Variants in COL24A1 observed in about 807,000 individuals in gnomAD.
The protein encoded by COL24A1 is collagen type XXIV alpha 1 chain.
Under a neutral mutation model 253.9 loss-of-function variants are expected in COL24A1, and 224 were observed. The observed-to-expected ratio is 0.88, with a 90% CI of 0.79 to 0.99. The LOEUF (loss-of-function observed/expected upper bound fraction) is 0.99, where lower values mean the gene tolerates loss of function less well. Among genes scored for constraint, COL24A1 ranks in the 50% least tolerant of loss-of-function variants. COL24A1 has a pLI of 0.00. For synonymous variants in COL24A1, 685 were observed against 673.7 expected, an observed-to-expected ratio of 1.02 and a Z score of -0.26; for missense variants, 2,131 against 2,068.5, an observed-to-expected ratio of 1.03 and a Z score of -0.59.
intron 24 of COL24A1, among the ~76,000 whole-genome samples, chr1:85,936,562 G>A (rs779430618): frequency 4.1e-5 from 6 of 146,662 alleles, no homozygotes; most frequent in African/African-American, 1.0e-4. Context: ...AATTAGATAC[G>A]GAAAAGTTTA....
chr1:86,095,125 T>C (rs1293819054), intron 5 of COL24A1, among the ~76,000 whole-genome samples: 1 of 152,036 alleles, frequency 6.6e-6, no homozygotes, highest in Non-Finnish European at 1.5e-5. Flanking sequence ...GGCCAATGTT[T>C]TTATTATAAA....
At chr1:86,144,802 T>A (rs1005624194) in intron 2 of COL24A1, among the ~76,000 whole-genome samples, 2 of 152,074 alleles carry the variant, frequency 1.3e-5, no homozygotes, top group Non-Finnish European at 2.9e-5. Context: ...ATGGCCATAA[T>A]TACAAAACCC....
intron 55 of COL24A1, among the ~76,000 whole-genome samples, chr1:85,755,473 CA>C (rs1666135116): frequency 2.0e-5 from 3 of 152,160 alleles, no homozygotes; most frequent in Admixed American, 2.0e-4. Context: ...TTCCTGATTT[CA>C]AAACTTACTA....
chr1:85,970,704 T>C (rs1359461745), intron 21 of COL24A1, among the ~76,000 whole-genome samples: 1 of 152,190 alleles, frequency 6.6e-6, no homozygotes, highest in Admixed American at 6.5e-5. Context: ...TTGGTAAATA[T>C]TTTGCTCAAT....
chr1:85,854,077 T>A (rs1233846683), intron 37 of COL24A1, among the ~76,000 whole-genome samples: 1 of 152,206 alleles, frequency 6.6e-6, no homozygotes, highest in Non-Finnish European at 1.5e-5. Flanking sequence ...AGTTCTCTTC[T>A]AAGGTTTTTA....
chr1:85,876,078 C>T (rs1681131217), intron 33 of COL24A1, among the ~76,000 whole-genome samples: 1 of 151,954 alleles, frequency 6.6e-6, no homozygotes, highest in Admixed American at 6.6e-5. Context: ...GCATTTTATC[C>T]TAAAGGCCAT....
chr1:85,891,577 A>C (rs1683138428), intron 31 of COL24A1, among the ~76,000 whole-genome samples: 1 of 152,174 alleles, frequency 6.6e-6, no homozygotes, highest in African/African-American at 2.4e-5. Context: ...GAAATATGTA[A>C]AATTATGGAC....
chr1:86,152,791 G>A (rs182397679), intron 1 of COL24A1, among the ~76,000 whole-genome samples: 4 of 152,302 alleles, frequency 2.6e-5, no homozygotes, highest in African/African-American at 9.6e-5. Context: ...ACATACTAGT[G>A]TTAGATAAAG....
At chr1:85,827,972 T>C (rs1674616822) in intron 43 of COL24A1, among the ~76,000 whole-genome samples, 1 of 152,060 alleles carries the variant, frequency 6.6e-6, no homozygotes. Flanking sequence ...AGCTTTTGAA[T>C]GTGTTTGCTC....
chr1:86,109,655 T>G (rs1233033779), intron 5 of COL24A1, among the ~76,000 whole-genome samples: 2 of 152,210 alleles, frequency 1.3e-5, no homozygotes, highest in Non-Finnish European at 2.9e-5. Context: ...CGATCACTGA[T>G]AAGCAGAGGG....
At chr1:85,828,085 T>C (rs1295238600) in intron 43 of COL24A1, among the ~76,000 whole-genome samples, 1 of 152,120 alleles carries the variant, frequency 6.6e-6, no homozygotes, top group African/African-American at 2.4e-5. Context: ...CTCTACACAC[T>C]GCTTTGAATG....
rs775539150 is a variant in COL24A1, at chr1:85,816,776, C to T, written c.3951+12G>A. The T allele has an allele frequency of 1.5e-5, 24 of 1,594,808 alleles. 1 individual carries two copies. The highest frequency in any genetic ancestry group is 8.8e-5 in the South Asian group (8 of 90,690). On this transcript the variant is annotated intron_variant, in intron 47 of 59. Transcript: ENST00000370571. The stretch of plus-strand genomic sequence containing the variant: ...AGGAAATAATGAGCAAAGAGATATC[C>T]GTACTACTCACAGGAAGTCCCTGTT...
At chr1:86,094,033 T>A (rs1703711245) in intron 5 of COL24A1, among the ~76,000 whole-genome samples, 1 of 152,144 alleles carries the variant, frequency 6.6e-6, no homozygotes, top group Non-Finnish European at 1.5e-5. Flanking sequence ...GCTTATACAC[T>A]GTTGGTGGGA....
At chr1:85,767,551 G>T (rs1667511526) in intron 53 of COL24A1, among the ~76,000 whole-genome samples, 1 of 151,890 alleles carries the variant, frequency 6.6e-6, no homozygotes, top group African/African-American at 2.4e-5. Context: ...GGAATCAAAG[G>T]AAAAGAAGTG....
Position 85,813,833 on chromosome 1 carries a change from G to C in COL24A1, c.3951+2955C>G, listed in dbSNP as rs113577334. ...CCCAAAGTGCTGGGATTACAGGCGT[G>C]AGCCACCGCGCCCGGCCTCATTCAG... On this transcript the variant is annotated intron_variant, in intron 47 of 59. Transcript: ENST00000370571. Among the ~76,000 whole-genome samples the C allele has an allele frequency of 6.5e-3, 991 of 152,130 alleles. 9 individuals are homozygous for C. The highest frequency in any genetic ancestry group is 0.023 in the African/African-American group (951 of 41,510).
intron 4 of COL24A1, 117 bp from the exon 5 acceptor site, chr1:86,112,737 G>T: frequency 1.1e-6 from 1 of 901,826 alleles, no homozygotes. Flanking sequence ...TTTTGCTTAT[G>T]TTATTATGTA....
At chr1:85,778,685 A>C (rs1387737076) in intron 52 of COL24A1, among the ~76,000 whole-genome samples, 1 of 149,514 alleles carries the variant, frequency 6.7e-6, no homozygotes, top group Non-Finnish European at 1.5e-5. Context: ...GCTCACTGCA[A>C]CCTCTGCCTC....
At chr1:86,092,808 G>T (rs1703603455) in intron 5 of COL24A1, among the ~76,000 whole-genome samples, 3 of 151,718 alleles carry the variant, frequency 2.0e-5, no homozygotes, top group South Asian at 2.1e-4. Flanking sequence ...ACATAAAAAA[G>T]ATACCTCTAA....
intron 19 of COL24A1, among the ~76,000 whole-genome samples, chr1:86,012,180 C>T (rs544665769): frequency 5.9e-5 from 9 of 152,028 alleles, no homozygotes; most frequent in Non-Finnish European, 1.3e-4. Flanking sequence ...GATAGTGATG[C>T]CCAGTAAAGG....
Sources: allele counts gnomAD v4.1 joint callset (sites outside exome capture counted in the v4.1 genomes callset), GRCh38; gene constraint gnomAD v4.1.1; transcripts MANE v1.5; gene names NCBI Gene and HGNC (gene_info 2026-07-23, HGNC 2026-07-21).